Variants in MRTFA observed in about 807,000 individuals in gnomAD.
MRTFA encodes the protein myocardin-related transcription factor A.
A neutral mutation model predicts 83.5 loss-of-function variants in MRTFA; 20 were observed. The ratio of observed to expected loss-of-function variants is 0.24; its 90% CI spans 0.17 to 0.35. The LOEUF (loss-of-function observed/expected upper bound fraction) is 0.35, where lower values mean the gene tolerates loss of function less well. MRTFA is among the 10% of genes least tolerant of loss of function. MRTFA has a pLI of 1.00. For missense variants in MRTFA, 1,200 were observed against 1,224.7 expected (o/e 0.98, Z 0.30); for synonymous variants, 659 against 541.2 (o/e 1.22, Z -3.02).
intron 2 of MRTFA, among the ~76,000 whole-genome samples, chr22:40,582,612 A>C (rs902197801): frequency 2.0e-5 from 3 of 151,990 alleles, no homozygotes; most frequent in Non-Finnish European, 4.4e-5. Flanking sequence ...AAACTTCCCA[A>C]GGTTACTTCC....
chr22:40,469,472 G>A (rs1450239188), intron 3 of MRTFA, among the ~76,000 whole-genome samples: 8 of 152,252 alleles, frequency 5.3e-5, no homozygotes, highest in African/African-American at 1.4e-4. Flanking sequence ...GCAGACGCTG[G>A]TGCAATGCTT....
chr22:40,484,090 G>C (rs1350679320), intron 3 of MRTFA, among the ~76,000 whole-genome samples: 1 of 150,810 alleles, frequency 6.6e-6, no homozygotes, highest in Non-Finnish European at 1.5e-5. Context: ...TTGGGTTATA[G>C]ATAGATAGAT....
At chr22:40,622,844 C>T (rs1042661292) in intron 1 of MRTFA, among the ~76,000 whole-genome samples, 2 of 152,182 alleles carry the variant, frequency 1.3e-5, no homozygotes, top group African/African-American at 4.8e-5. Context: ...ACAGCAGTCA[C>T]AGGAAACTAA....
At chr22:40,618,210 G>A (rs541888811) in intron 1 of MRTFA, among the ~76,000 whole-genome samples, 10 of 151,558 alleles carry the variant, frequency 6.6e-5, no homozygotes, top group African/African-American at 2.4e-4. Context: ...GAGTAGCTGG[G>A]ACTACAGGTG....
intron 1 of MRTFA, among the ~76,000 whole-genome samples, chr22:40,600,091 A>G (rs2056241481): frequency 6.6e-6 from 1 of 151,934 alleles, no homozygotes; most frequent in Non-Finnish European, 1.5e-5. Flanking sequence ...TGTGGTTTTT[A>G]AGCAGTCCAC....
At position 40,419,184 on chromosome 22, in the gene MRTFA, C is replaced by T. The variant is rs532930497; in HGVS notation, c.1554G>A (p.Gly518=). The T allele has an allele frequency of 2.5e-6, 4 of 1,585,754 alleles. No individual in the cohort carries two copies. The South Asian group carries it at 3.4e-5, about 13-fold the overall frequency. The stretch of plus-strand genomic sequence containing the variant: ...CCAGGCCTGCTGCCACCAGGGCTGG[C>T]CCCGTGCTCAGCCGGGCCGCTGGGA... Residue 518 remains glycine (G), a synonymous_variant, in exon 12 of 15, where the codon GGG becomes GGA. Transcript: ENST00000355630.
intron 2 of MRTFA, among the ~76,000 whole-genome samples, chr22:40,575,359 A>G (rs1364491000): frequency 1.3e-5 from 2 of 152,226 alleles, no homozygotes; most frequent in Non-Finnish European, 2.9e-5. Flanking sequence ...GTTCTAAGAT[A>G]AAATATAAAT....
At chr22:40,602,264 TAAGGAAACACAAATGATTATGACA>T (rs1192981223) in intron 1 of MRTFA, among the ~76,000 whole-genome samples, 1 of 152,192 alleles carries the variant, frequency 6.6e-6, no homozygotes, top group African/African-American at 2.4e-5. Flanking sequence ...TGCTAGATGC[TAAGGAAACACAAATGATTATGACA>T]AAATCCCTAT....
In MRTFA at chr22:40,431,472, G is replaced by C; in HGVS notation, c.372C>G (p.Asp124Glu). 1 of 1,613,968 alleles carries C rather than the reference G, an allele frequency of 6.2e-7. No homozygotes were observed. The highest frequency in any genetic ancestry group is 8.5e-7 in the Non-Finnish European group (1 of 1,179,854). The change falls in exon 6 of 15, where the codon GAC (aspartate) becomes GAG (glutamate). Residue 124 changes from aspartate (D) to glutamate (E), a missense_variant. By Grantham distance (45) the Asp-to-Glu change is conservative. Coordinates refer to ENST00000355630, the MANE Select transcript of MRTFA (RefSeq NM_020831.6). Reference sequence around the variant, plus strand: ...GGGAACGAATCTTCCGTTTGAGATAGTCCTCTGTCTACAGAAAAAACACAC... The same window carrying C: ...GGGAACGAATCTTCCGTTTGAGATACTCCTCTGTCTACAGAAAAAACACAC...
chr22:40,589,396 G>A (rs557210004), intron 2 of MRTFA, among the ~76,000 whole-genome samples: 2 of 152,148 alleles, frequency 1.3e-5, no homozygotes, highest in Non-Finnish European at 2.9e-5. Flanking sequence ...AAAAACGTAT[G>A]AGGTATTACT....
intron 4 of MRTFA, among the ~76,000 whole-genome samples, chr22:40,452,188 G>A (rs1675767849): frequency 1.3e-5 from 2 of 151,924 alleles, no homozygotes; most frequent in South Asian, 2.1e-4. Flanking sequence ...GTTTCACCAC[G>A]TTGGCCAGGA....
intron 3 of MRTFA, among the ~76,000 whole-genome samples, chr22:40,489,808 G>T (rs1026390489): frequency 6.6e-6 from 1 of 151,868 alleles, no homozygotes; most frequent in African/African-American, 2.4e-5. Flanking sequence ...GTGAAATCCT[G>T]TCTCTATTAA....
intron 2 of MRTFA, among the ~76,000 whole-genome samples, chr22:40,568,898 T>G (rs1343747031): frequency 6.6e-6 from 1 of 152,114 alleles, no homozygotes; most frequent in African/African-American, 2.4e-5. Flanking sequence ...AGCATGAAAA[T>G]CTTCAAATAC....
intron 3 of MRTFA, among the ~76,000 whole-genome samples, chr22:40,476,158 G>T (rs2053993617): frequency 6.6e-6 from 1 of 151,812 alleles, no homozygotes; most frequent in African/African-American, 2.4e-5. Flanking sequence ...AAAAAAAAGG[G>T]GGGGGGTCTT....
rs779747334 is a variant in MRTFA at position 40,429,782 on chromosome 22, G to C, written c.440-15C>G. 31 of 1,600,158 alleles carry C rather than the reference G, an allele frequency of 1.9e-5. No homozygotes were observed. Among genetic ancestry groups the C allele is most frequent in the Admixed American group, 1.0e-4 (6 of 58,938 alleles). On this transcript the variant is annotated splice_polypyrimidine_tract_variant and intron_variant, in intron 6 of 14. Coordinates refer to ENST00000355630, the MANE Select transcript of MRTFA (RefSeq NM_020831.6). Reference sequence around the variant, plus strand: ...AGCCGAGGTCTCTGCCCATGGGAGAGAAAGGGGTGCAGGAAGATATATGAG... The same window carrying C: ...AGCCGAGGTCTCTGCCCATGGGAGACAAAGGGGTGCAGGAAGATATATGAG...
chr22:40,495,025 A>C (rs1053279594), intron 3 of MRTFA, among the ~76,000 whole-genome samples: 2 of 151,814 alleles, frequency 1.3e-5, no homozygotes, highest in Non-Finnish European at 2.9e-5. Flanking sequence ...ATATAAACTG[A>C]TCTCAACTTT....
chr22:40,485,790 G>A (rs762078046), intron 3 of MRTFA, among the ~76,000 whole-genome samples: 140 of 152,096 alleles, frequency 9.2e-4, no homozygotes, highest in Non-Finnish European at 1.7e-3. Context: ...TTGCAATGAT[G>A]GTAAAAATAA....
At chr22:40,587,208 T>A (rs2056044425) in intron 2 of MRTFA, 1 of 466,866 alleles carries the variant, frequency 2.1e-6, no homozygotes, top group Non-Finnish European at 4.3e-6. Context: ...GGAAACAGCT[T>A]TACACCAAGT....
At position 40,598,511 on chromosome 22, in the gene MRTFA, A is replaced by T. The variant is rs895448959; in HGVS notation, c.-83-3776T>A. Among the ~76,000 whole-genome samples, 5 of 152,300 alleles carry T rather than the reference A, an allele frequency of 3.3e-5. No individual in the cohort carries two copies. In the South Asian group the frequency reaches 1.0e-3, roughly 32 times the overall value. On this transcript the variant is annotated intron_variant, in intron 1 of 14. Transcript: ENST00000355630. ...GGAACTACAGCACAAGAGTTCAGTG[A>T]TCTGATAAAAGAAAAATGAGCCAGA...
Sources: allele counts gnomAD v4.1 joint callset (sites outside exome capture counted in the v4.1 genomes callset), GRCh38; gene constraint gnomAD v4.1.1; transcripts MANE v1.5; gene names NCBI Gene and HGNC (gene_info 2026-07-23, HGNC 2026-07-21).